The following ZNF484 variants were observed in gnomAD, a reference collection of about 807,000 sequenced individuals.
ZNF484 encodes zinc finger protein 484.
In ZNF484, 11 loss-of-function variants were observed where a neutral mutation model predicts 12.9. The observed-to-expected ratio is 0.85, with a 90% CI of 0.54 to 1.41. The LOEUF is 1.41. Ranked by LOEUF, ZNF484 falls within the 40% of genes most tolerant of loss-of-function variation. ZNF484 has a pLI of 0.00. For missense variants in ZNF484, 807 were observed against 1,007.7 expected, an observed-to-expected ratio of 0.80 and a Z score of 2.70; for synonymous variants, 289 against 334.1, an observed-to-expected ratio of 0.86 and a Z score of 1.47.
intron 4 of ZNF484, among the ~76,000 whole-genome samples, chr9:92,850,638 C>T (rs1856013306): frequency 1.3e-5 from 2 of 152,112 alleles, no homozygotes; most frequent in African/African-American, 4.8e-5. Context: ...GGCTGGAGTG[C>T]AATGGCGCGA....
chr9:92,855,440 T>G (rs1856377620), intron 4 of ZNF484, among the ~76,000 whole-genome samples: 1 of 152,140 alleles, frequency 6.6e-6, no homozygotes, highest in African/African-American at 2.4e-5. Flanking sequence ...CTATGAGTAT[T>G]TGAATGCATA....
intron 2 of ZNF484, among the ~76,000 whole-genome samples, chr9:92,861,854 A>C (rs2118049560): frequency 6.6e-6 from 1 of 152,348 alleles, no homozygotes; most frequent in African/African-American, 2.4e-5. Context: ...AATCTCCAAA[A>C]GGAAAACCTC....
intron 2 of ZNF484, among the ~76,000 whole-genome samples, chr9:92,858,047 C>A (rs980139199): frequency 2.6e-5 from 4 of 151,632 alleles, no homozygotes; most frequent in Non-Finnish European, 5.9e-5. Context: ...ACTTATTATA[C>A]ACAGTGTTTA....
Position 92,847,744 on chromosome 9 carries a change from C to T in ZNF484, c.1043G>A (p.Arg348Lys). ...ATAAGGTTTTTCTCCAGAATGAATT[C>T]TCTGGCATCTGAACAGATCTGACTT... is the stretch of plus-strand genomic sequence containing the variant. ...IQKSDLFRCQ[R>K]IHSGEKPYEY... The change falls in exon 5 of 5, where the codon AGA becomes AAA. Residue 348 changes from arginine (R) to lysine (K), a missense_variant. Coordinates refer to ENST00000375495, the MANE Select transcript of ZNF484 (RefSeq NM_031486.4). The T allele has an allele frequency of 6.2e-7, 1 of 1,613,804 alleles. No individual in the cohort carries two copies. Among genetic ancestry groups the T allele is most frequent in the East Asian group, 2.2e-5 (1 of 44,880 alleles).
At position 92,846,475 on chromosome 9, in the gene ZNF484, G is replaced by T; in HGVS notation, c.2312C>A (p.Thr771Lys). Residue 771 changes from threonine to lysine, a missense_variant, in exon 5 of 5, where the codon ACA becomes AAA. Physicochemically the swap from Thr to Lys is moderately conservative, Grantham distance 78. Transcript: ENST00000375495. ...AGCACATATATATGGTTTCTCTCCTGTGTGAATTCGATGATGCTCATGGAG... is the reference window on the plus strand; with the variant it reads ...AGCACATATATATGGTTTCTCTCCTTTGTGAATTCGATGATGCTCATGGAG... ...SQLHEHHRIH[T>K]GEKPYICAEC... 5 of 1,614,122 alleles carry T rather than the reference G, an allele frequency of 3.1e-6. No homozygotes were observed. The highest frequency in any genetic ancestry group is 4.2e-6 in the Non-Finnish European group (5 of 1,180,020).
intron 2 of ZNF484, among the ~76,000 whole-genome samples, chr9:92,872,559 A>G (rs1470275963): frequency 1.3e-5 from 2 of 151,966 alleles, no homozygotes. Flanking sequence ...ATGAGACTAC[A>G]AAAGAGTGGT....
chr9:92,868,571 T>C (rs1235127922), intron 2 of ZNF484, among the ~76,000 whole-genome samples: 2 of 152,200 alleles, frequency 1.3e-5, no homozygotes, highest in Non-Finnish European at 1.5e-5. Flanking sequence ...CTGCAGGCTG[T>C]ACAAGAAGCA....
rs938202828 is a variant in ZNF484 at position 92,860,957 on chromosome 9, C to T, written c.16-4639G>A. Among the ~76,000 whole-genome samples the T allele has an allele frequency of 9.9e-5, 15 of 152,228 alleles. No individual in the cohort carries two copies. In the East Asian group the frequency reaches 2.3e-3, roughly 24 times the overall value. On this transcript the variant is annotated intron_variant, in intron 2 of 4. Transcript: ENST00000375495. ...ATGTATGATGACCTGGGCACACCTA[C>T]GAGCAGCCCAGATATAAAATGAATC...
chr9:92,867,516 A>C (rs76859785), intron 2 of ZNF484, among the ~76,000 whole-genome samples: 18,555 of 152,096 alleles, frequency 0.12, 1,499 homozygotes, highest in East Asian at 0.29. Context: ...ACAACAACAA[A>C]AAAACAAACC....
chr9:92,853,606 G>A (rs1286142153), intron 4 of ZNF484, among the ~76,000 whole-genome samples: 1 of 152,210 alleles, frequency 6.6e-6, no homozygotes, highest in Non-Finnish European at 1.5e-5. Context: ...TGAGACACAT[G>A]GACCTGGGCA....
chr9:92,876,391 C>G (rs1482715374), intron 1 of ZNF484, among the ~76,000 whole-genome samples: 1 of 152,016 alleles, frequency 6.6e-6, no homozygotes, highest in Non-Finnish European at 1.5e-5. Context: ...TCACACTAAA[C>G]TGAGATGTAA....
rs75692950 is a variant in ZNF484 at position 92,868,274 on chromosome 9, C to T, written c.15+6741G>A. Among the ~76,000 whole-genome samples, 714 of 152,152 alleles carry T rather than the reference C, an allele frequency of 4.7e-3. 26 individuals are homozygous for T. The East Asian group carries it at 0.072, about 15-fold the overall frequency. The stretch of plus-strand genomic sequence containing the variant: ...ACAGCCCATGCCAGTAGCTGAGTAT[C>T]GGATAGAGAGTAACTATGAGCAGGT... On this transcript the variant is annotated intron_variant, in intron 2 of 4. Coordinates refer to ENST00000375495, the MANE Select transcript of ZNF484 (RefSeq NM_031486.4).
At chr9:92,854,616 C>G (rs1856325073) in intron 4 of ZNF484, among the ~76,000 whole-genome samples, 1 of 152,094 alleles carries the variant, frequency 6.6e-6, no homozygotes, top group Admixed American at 6.6e-5. Context: ...ACCGGGGAGG[C>G]TGAGGCAGGA....
In ZNF484 at chr9:92,847,187, T is replaced by C. The variant is rs1855682501; in HGVS notation, c.1600A>G (p.Thr534Ala). 1.2e-6 allele frequency: 2 copies of C among 1,614,016 alleles called. No homozygotes were observed. The highest frequency in any genetic ancestry group is 1.7e-5 in the Admixed American group (1 of 59,994). Reference protein sequence around the residue: ...YKCSDCGKSFTWKSRLRIHQK... With the variant: ...YKCSDCGKSFAWKSRLRIHQK... Reference sequence around the variant, plus strand: ...TGTATCCTGAGCCGAGACTTCCAGGTGAATGATTTTCCACAGTCGCTGCAT... The same window carrying C: ...TGTATCCTGAGCCGAGACTTCCAGGCGAATGATTTTCCACAGTCGCTGCAT... The change falls in exon 5 of 5, where the codon ACC (threonine) becomes GCC (alanine). Residue 534 changes from threonine to alanine, a missense_variant. Thr to Ala is a moderately conservative substitution (Grantham distance 58). Transcript: ENST00000375495.
chr9:92,845,640 C>T lies in ZNF484; in HGVS notation c.*588G>A, dbSNP rs1855538153. Reference sequence around the variant, plus strand: ...AAGTGCTGCTATCTAGACCTGGGTCCCTGTATCTAAGTTCCATGATCGTAG... The same window carrying T: ...AAGTGCTGCTATCTAGACCTGGGTCTCTGTATCTAAGTTCCATGATCGTAG... On this transcript the variant is annotated 3_prime_UTR_variant, in exon 5 of 5. Coordinates refer to ENST00000375495, the MANE Select transcript of ZNF484 (RefSeq NM_031486.4). The surrounding 1 kb of genome is among the most constrained non-coding windows in gnomAD (Gnocchi z 4.0). 6.6e-6 allele frequency: 1 copy of T among 152,122 alleles called. No homozygotes were observed. Among genetic ancestry groups the T allele is most frequent in the African/African-American group, 2.4e-5 (1 of 41,376 alleles). 9.4% of individuals were successfully genotyped at this position (152,122 alleles called of 1,614,324 possible). A position where few individuals can be genotyped will look rare whatever the true frequency, so the allele number is the denominator to read the frequency against.
intron 2 of ZNF484, among the ~76,000 whole-genome samples, chr9:92,869,928 A>G (rs999764811): frequency 6.6e-6 from 1 of 152,238 alleles, no homozygotes; most frequent in Admixed American, 6.5e-5. Context: ...CTTATTTTTA[A>G]AAGTTCAAAT....
chr9:92,848,357 T>C lies in ZNF484; in HGVS notation c.430A>G (p.Lys144Glu), dbSNP rs1855830447. ...ATGCTGTCATTAGCTAGTGTTTTCT[T>C]GTTAATGAAGACAACACGACTTAAA... The part of the protein sequence containing the change: ...KPLSRVVFIN[K>E]KTLANDSIFE... The change falls in exon 5 of 5, where the codon AAG (lysine) becomes GAG (glutamate). Residue 144 changes from lysine to glutamate, a missense_variant. Lys to Glu is a moderately conservative substitution (Grantham distance 56). Transcript: ENST00000375495. This position sits in a 1 kb window ranked among gnomAD's most constrained non-coding sequence, Gnocchi z 4.1. 7 of 1,614,142 alleles carry C rather than the reference T, an allele frequency of 4.3e-6. No individual in the cohort carries two copies. Among genetic ancestry groups the C allele is most frequent in the Non-Finnish European group, 5.9e-6 (7 of 1,180,012 alleles).
chr9:92,876,122 T>G (rs1275327559), intron 1 of ZNF484, among the ~76,000 whole-genome samples: 1 of 152,152 alleles, frequency 6.6e-6, no homozygotes, highest in Non-Finnish European at 1.5e-5. Flanking sequence ...GCAATAATTC[T>G]TGCAAAAGAT....
intron 4 of ZNF484, among the ~76,000 whole-genome samples, chr9:92,852,816 C>T (rs1367309619): frequency 2.0e-5 from 3 of 152,200 alleles, no homozygotes; most frequent in Non-Finnish European, 1.5e-5. Context: ...GGATTACAGG[C>T]GTGAGCCACT....
Sources: gnomAD v4.1 joint callset for allele counts (sites outside exome capture counted in the v4.1 genomes callset) on GRCh38, gnomAD v4.1.1 for gene constraint, Gnocchi (gnomAD v3.1) non-coding constraint, MANE v1.5 for transcripts, NCBI Gene and HGNC (gene_info 2026-07-23, HGNC 2026-07-21) for gene names.